RGS22: variants seen among roughly 807,000 people sequenced by gnomAD.
The protein encoded by RGS22 is regulator of G-protein signaling 22.
A neutral mutation model predicts 172.9 loss-of-function variants in RGS22; 148 were observed. The ratio of observed to expected loss-of-function variants is 0.86; its 90% CI spans 0.75 to 0.98. RGS22 has a LOEUF of 0.98. RGS22 is among the 50% of genes least tolerant of loss of function. The pLI, the probability that RGS22 is intolerant of heterozygous loss-of-function variation, is 0.00. For missense variants in RGS22, 1,347 were observed against 1,440.8 expected, an observed-to-expected ratio of 0.93 and a Z score of 1.05; for synonymous variants, 458 against 480.2, an observed-to-expected ratio of 0.95 and a Z score of 0.60.
In RGS22 at chr8:99,992,488, T is replaced by G. The variant is rs568304953; in HGVS notation, c.3018+3974A>C. Among the ~76,000 whole-genome samples the G allele has an allele frequency of 3.3e-5, 5 of 152,226 alleles. No individual in the cohort carries two copies. In the South Asian group the frequency reaches 1.0e-3, roughly 32 times the overall value. ...AATCCTAGTCTCTGATAAAACAGAC[T>G]TTAAACCAACAAAGATCAAAATAGA... On this transcript the variant is annotated intron_variant, in intron 20 of 27. Coordinates refer to ENST00000360863, the MANE Select transcript of RGS22 (RefSeq NM_015668.5).
chr8:100,059,618 A>C (rs1809943787), intron 9 of RGS22, among the ~76,000 whole-genome samples: 1 of 152,164 alleles, frequency 6.6e-6, no homozygotes, highest in Admixed American at 6.5e-5. Flanking sequence ...TGTACCCAAC[A>C]CTGGAGCACT....
rs551654719 is a variant in RGS22, at chr8:99,973,890, A to T, written c.3519+4027T>A. Among the ~76,000 whole-genome samples, 3 of 151,966 alleles carry T rather than the reference A, an allele frequency of 2.0e-5. No homozygotes were observed. In the East Asian group the frequency reaches 5.8e-4, roughly 29 times the overall value. On this transcript the variant is annotated intron_variant, in intron 23 of 27. Transcript: ENST00000360863. ...TCTCAAAAAAAAAAAAAACAAAAAA[A>T]ACCCAAAAACCCAGATGATGGGTTG...
rs747279564 is a variant in RGS22 at position 100,052,930 on chromosome 8, T to C, written c.1561A>G (p.Ser521Gly). 1.9e-6 allele frequency: 3 copies of C among 1,614,044 alleles called. No homozygotes were observed. Among genetic ancestry groups the C allele is most frequent in the South Asian group, 2.2e-5 (2 of 91,082 alleles). The change falls in exon 10 of 28, where the codon AGT becomes GGT. Residue 521 changes from serine (S) to glycine (G), a missense_variant. Coordinates refer to ENST00000360863, the MANE Select transcript of RGS22 (RefSeq NM_015668.5). ...VTHSASTKYA[S>G]AELKFWHLRQ... Reference sequence around the variant, plus strand: ...AGGTGCCAGAATTTCAGTTCAGCACTAGCATATTTTGTTGAGGCTGAATGA... The same window carrying C: ...AGGTGCCAGAATTTCAGTTCAGCACCAGCATATTTTGTTGAGGCTGAATGA...
intron 18 of RGS22, among the ~76,000 whole-genome samples, chr8:100,001,143 GCAT>G (rs888118358): frequency 4.1e-5 from 6 of 146,664 alleles, no homozygotes; most frequent in African/African-American, 1.3e-4. Flanking sequence ...TATAAAAATT[GCAT>G]CATATTTCAT....
chr8:100,001,219 T>TATATATATACAC (rs1402594104), intron 18 of RGS22, among the ~76,000 whole-genome samples: 27 of 132,952 alleles, frequency 2.0e-4, no homozygotes, highest in African/African-American at 6.8e-4. Flanking sequence ...TATATATATA[T>TATATATATACAC]ACATATATAT....
intron 3 of RGS22, among the ~76,000 whole-genome samples, chr8:100,084,371 T>C (rs552032805): frequency 5.3e-5 from 8 of 152,290 alleles, no homozygotes; most frequent in African/African-American, 1.7e-4. Context: ...AGGAAGAAAG[T>C]GTATGTAAGC....
At chr8:100,001,159 GCAGTGTTACATGAA>G (rs947639383) in intron 18 of RGS22, among the ~76,000 whole-genome samples, 1 of 143,910 alleles carries the variant, frequency 6.9e-6, no homozygotes, top group African/African-American at 2.6e-5. Context: ...TATTTCATGA[GCAGTGTTACATGAA>G]CACAAACCTA....
At chr8:100,054,360 A>G (rs567587513) in intron 9 of RGS22, 1 of 154,318 alleles carries the variant, frequency 6.5e-6, no homozygotes, top group South Asian at 2.0e-4. Context: ...TTGGGAAGCC[A>G]TGGTGGGAGG....
intron 1 of RGS22, 23 bp downstream of exon 1, chr8:100,105,874 G>C: frequency 6.6e-7 from 1 of 1,505,322 alleles, no homozygotes; most frequent in Non-Finnish European, 8.9e-7. Context: ...CTGATCCTCT[G>C]TCCCTGTGGG....
intron 20 of RGS22, among the ~76,000 whole-genome samples, chr8:99,992,670 A>G (rs2131277941): frequency 6.6e-6 from 1 of 152,304 alleles, no homozygotes; most frequent in Non-Finnish European, 1.5e-5. Flanking sequence ...TAATAATGGG[A>G]GACTTTAACA....
At chr8:100,077,014 C>A (rs1217417603) in intron 4 of RGS22, among the ~76,000 whole-genome samples, 2 of 151,916 alleles carry the variant, frequency 1.3e-5, no homozygotes, top group African/African-American at 2.4e-5. Flanking sequence ...AAAAAAAAGT[C>A]TATTTCATTT....
rs567613703 is a variant in RGS22 at position 99,990,325 on chromosome 8, G to A, written c.3019-2706C>T. ...AGTTCTGAATTCCAAGGGCCGATGG[G>A]AAGCCTCTAGCAGGGGACTCTGGCC... On this transcript the variant is annotated intron_variant, in intron 20 of 27. Transcript: ENST00000360863. Among the ~76,000 whole-genome samples the A allele has an allele frequency of 5.3e-4, 80 of 152,152 alleles. 2 individuals carry two copies. Among genetic ancestry groups the A allele is most frequent in the South Asian group, 1.0e-3 (5 of 4,804 alleles).
chr8:100,052,010 AATGTTTATATATATTTATATATTT>A (rs1371745977), intron 10 of RGS22, among the ~76,000 whole-genome samples: 1 of 75,742 alleles, frequency 1.3e-5, no homozygotes, highest in African/African-American at 5.3e-5. Context: ...TTTATATATA[AATGTTTATATATATTTATATATTT>A]ATATATAAAT....
At chr8:99,973,379 C>T (rs1439668368) in intron 23 of RGS22, among the ~76,000 whole-genome samples, 6 of 152,192 alleles carry the variant, frequency 3.9e-5, no homozygotes, top group Admixed American at 6.5e-5. Context: ...ATGAATGAAG[C>T]TGGAAACCAC....
chr8:100,098,367 A>G (rs1306499819), intron 2 of RGS22, among the ~76,000 whole-genome samples: 2 of 152,224 alleles, frequency 1.3e-5, no homozygotes, highest in East Asian at 1.9e-4. Flanking sequence ...AAGAAGAGAT[A>G]TTGTCAAAAG....
chr8:100,088,001 A>G (rs2131958667), intron 3 of RGS22, among the ~76,000 whole-genome samples: 1 of 152,276 alleles, frequency 6.6e-6, no homozygotes, highest in South Asian at 2.1e-4. Context: ...GAGCTTTATC[A>G]ACACCTGTAA....
chr8:100,060,141 A>G lies in RGS22; in HGVS notation c.1514+2450T>C, dbSNP rs182425739. On this transcript the variant is annotated intron_variant, in intron 9 of 27. Transcript: ENST00000360863. ...ATTCACCGATCTTCAAATGGTATAT[A>G]TTTTTTTCCACTATGCCCATTCTCT... is the stretch of plus-strand genomic sequence containing the variant. Among the ~76,000 whole-genome samples, 11 of 151,866 alleles carry G rather than the reference A, an allele frequency of 7.2e-5. No homozygotes were observed. The East Asian group carries it at 2.1e-3, about 29-fold the overall frequency.
intron 2 of RGS22, among the ~76,000 whole-genome samples, chr8:100,103,489 G>C (rs1277502908): frequency 6.6e-6 from 1 of 152,224 alleles, no homozygotes; most frequent in Non-Finnish European, 1.5e-5. Context: ...AGGAAAGACA[G>C]CATAGTGTGG....
At chr8:100,006,298 AT>A (rs957770460) in intron 15 of RGS22, among the ~76,000 whole-genome samples, 189 bp from the exon 16 acceptor site, 1 of 152,220 alleles carries the variant, frequency 6.6e-6, no homozygotes, top group African/African-American at 2.4e-5. Flanking sequence ...AAATGCATAC[AT>A]TTCTATGTAA....
Sources: gnomAD v4.1 joint callset for allele counts (sites outside exome capture counted in the v4.1 genomes callset) on GRCh38, gnomAD v4.1.1 for gene constraint, MANE v1.5 for transcripts, NCBI Gene and HGNC (gene_info 2026-07-23, HGNC 2026-07-21) for gene names.